MAK: variants seen among roughly 807,000 people sequenced by gnomAD.
The protein encoded by MAK is serine/threonine-protein kinase MAK.
MAK carries 65 observed loss-of-function variants against 82.6 expected under a neutral mutation model. The observed-to-expected ratio is 0.79, with a 90% CI of 0.64 to 0.97. The LOEUF (loss-of-function observed/expected upper bound fraction) is 0.97. Among genes scored for constraint, MAK ranks in the 50% least tolerant of loss-of-function variants. MAK has a pLI of 0.00. For missense variants in MAK, 703 were observed against 780.2 expected (o/e 0.90, Z 1.18); for synonymous variants, 250 against 274.2 (o/e 0.91, Z 0.87).
chr6:10,823,283 T>A (rs1778097873), intron 2 of MAK, among the ~76,000 whole-genome samples: 1 of 152,196 alleles, frequency 6.6e-6, no homozygotes, highest in Non-Finnish European at 1.5e-5. Context: ...CATATGGAAC[T>A]TGTTAAATTC....
Position 10,764,345 on chromosome 6 carries a change from T to C in MAK, c.*107A>G. 4 of 1,272,184 alleles carry C rather than the reference T, an allele frequency of 3.1e-6. No homozygotes were observed. Among genetic ancestry groups the C allele is most frequent in the Non-Finnish European group, 4.4e-6 (4 of 911,014 alleles). The allele number at this position is 1,272,184 out of a possible 1,614,324, so 78.8% of individuals were successfully genotyped here. A position where few individuals can be genotyped will look rare whatever the true frequency, so the allele number is the denominator to read the frequency against. On this transcript the variant is annotated 3_prime_UTR_variant, in exon 15 of 15. Coordinates refer to ENST00000354489, the MANE Select transcript of MAK (RefSeq NM_001242957.3). The stretch of plus-strand genomic sequence containing the variant: ...CCTTCCAAGTACCCACTTTTGCATA[T>C]TTCTTCCAGAACTCAGTAGAAATAG...
intron 14 of MAK, among the ~76,000 whole-genome samples, chr6:10,767,087 A>G (rs1175018118): frequency 6.7e-6 from 1 of 149,018 alleles, no homozygotes; most frequent in African/African-American, 2.6e-5. Context: ...CCCACACCTC[A>G]CTGCCCTGCA....
rs1561962243 is a variant in MAK at position 10,795,803 on chromosome 6, C to T, written c.1143+195G>A. 2.0e-5 allele frequency among the ~76,000 whole-genome samples: 3 copies of T among 152,232 alleles called. No homozygotes were observed. In the East Asian group the frequency reaches 5.8e-4, roughly 29 times the overall value. The stretch of plus-strand genomic sequence containing the variant: ...AGCATGTAAACTTGGTTACTTTTAT[C>T]CTGAAAGTTTTTCTTTTTATAAACC... On this transcript the variant is annotated intron_variant, in intron 9 of 14. Transcript: ENST00000354489.
At chr6:10,805,116 G>A (rs924971508) in intron 6 of MAK, among the ~76,000 whole-genome samples, 9 of 151,760 alleles carry the variant, frequency 5.9e-5, no homozygotes, top group East Asian at 1.9e-4. Context: ...AGGCTGTCCC[G>A]TCCATGGTTG....
intron 2 of MAK, among the ~76,000 whole-genome samples, chr6:10,822,282 C>T (rs576597942): frequency 2.0e-5 from 3 of 151,754 alleles, no homozygotes; most frequent in East Asian, 1.9e-4. Context: ...GGAGAAACCC[C>T]GTCTCTACTA....
chr6:10,789,299 T>G (rs564672753), intron 10 of MAK, among the ~76,000 whole-genome samples: 2 of 152,296 alleles, frequency 1.3e-5, no homozygotes, highest in African/African-American at 4.8e-5. Flanking sequence ...CAACTGTTCT[T>G]CCTATTCTTC....
Position 10,818,167 on chromosome 6 carries a change from C to T in MAK, c.157-196G>A, listed in dbSNP as rs544288430. The stretch of plus-strand genomic sequence containing the variant: ...AAGTGCAAACAATAAATCAAGCCAA[C>T]AATAGCTATTAAACATTTCAATCTG... On this transcript the variant is annotated intron_variant, in intron 3 of 14. Transcript: ENST00000354489. Among the ~76,000 whole-genome samples, 4 of 152,322 alleles carry T rather than the reference C, an allele frequency of 2.6e-5. No individual in the cohort carries two copies. The East Asian group carries it at 7.7e-4, about 29-fold the overall frequency.
intron 13 of MAK, among the ~76,000 whole-genome samples, chr6:10,771,129 G>A (rs1370192716): frequency 6.6e-6 from 1 of 152,080 alleles, no homozygotes; most frequent in Non-Finnish European, 1.5e-5. Flanking sequence ...GTGGAGATTG[G>A]TGATGATCAG....
At chr6:10,801,664 T>G (rs58164645) in intron 8 of MAK, among the ~76,000 whole-genome samples, 5,523 of 152,312 alleles carry the variant, frequency 0.036, 305 homozygotes, top group African/African-American at 0.12. Flanking sequence ...GTTCTTCATT[T>G]GAACCACAAA....
In MAK at chr6:10,818,900, A is replaced by G; in HGVS notation, c.142T>C (p.Leu48=). The change falls in exon 3 of 15, where the codon TTG becomes CTG. Residue 48 remains leucine, a synonymous_variant. Transcript: ENST00000354489. ...TAGGATTTTACCTTAACTTCTCTCA[A>G]GTTCATGCATTCATCCCAAGAATAG... is the stretch of plus-strand genomic sequence containing the variant. ...KFYSWDECMN[L]REVKSLKKLN... The G allele has an allele frequency of 1.3e-6, 2 of 1,589,078 alleles. No individual in the cohort carries two copies. The highest frequency in any genetic ancestry group is 1.7e-6 in the Non-Finnish European group (2 of 1,157,972).
intron 6 of MAK, among the ~76,000 whole-genome samples, chr6:10,804,974 C>G (rs1234651431): frequency 6.6e-6 from 1 of 151,716 alleles, no homozygotes; most frequent in African/African-American, 2.4e-5. Flanking sequence ...CAAGTTTTCT[C>G]CAGGACTCCA....
At chr6:10,813,169 G>T (rs2127571448) in intron 5 of MAK, among the ~76,000 whole-genome samples, 1 of 43,614 alleles carries the variant, frequency 2.3e-5, no homozygotes, top group African/African-American at 8.6e-5. Context: ...TTTTTTTTGA[G>T]ATGGAGTCTC....
chr6:10,764,096 C>T lies in MAK; in HGVS notation c.*356G>A, dbSNP rs1772176850. 1 of 232,346 alleles carries T rather than the reference C, an allele frequency of 4.3e-6. No individual in the cohort carries two copies. The highest frequency in any genetic ancestry group is 2.3e-5 in the African/African-American group (1 of 42,770). 14.4% of individuals were successfully genotyped at this position (232,346 alleles called of 1,614,324 possible). A position where few individuals can be genotyped will look rare whatever the true frequency, so the allele number is the denominator to read the frequency against. ...AACTACTAAACCATTTGGGCACATA[C>T]AACAAATGAAAACTAAAACACTCTA... On this transcript the variant is annotated 3_prime_UTR_variant, in exon 15 of 15. Transcript: ENST00000354489.
At chr6:10,802,828 G>C (rs1038986421) in intron 7 of MAK, among the ~76,000 whole-genome samples, 5 of 152,312 alleles carry the variant, frequency 3.3e-5, no homozygotes, top group African/African-American at 1.2e-4. Flanking sequence ...ACATTTACTT[G>C]TGTAATGTTA....
At chr6:10,806,368 A>G (rs1403892827) in intron 6 of MAK, among the ~76,000 whole-genome samples, 4 of 124,360 alleles carry the variant, frequency 3.2e-5, no homozygotes, top group Non-Finnish European at 3.5e-5. Context: ...TTGCTCTGTC[A>G]CCCAGGCTGG....
chr6:10,799,919 G>C (rs903415110), intron 8 of MAK, among the ~76,000 whole-genome samples: 1 of 152,154 alleles, frequency 6.6e-6, no homozygotes, highest in Non-Finnish European at 1.5e-5. Flanking sequence ...GTGGTGGCAG[G>C]CACCTGTAGT....
intron 10 of MAK, among the ~76,000 whole-genome samples, chr6:10,789,162 G>GAAAAAAA (rs58231573): frequency 1.3e-5 from 1 of 80,000 alleles, no homozygotes; most frequent in East Asian, 3.9e-4. Flanking sequence ...AAGCAAAAAA[G>GAAAAAAA]AAAAAAAAAA....
rs557154726 is a variant in MAK at position 10,770,816 on chromosome 6, T to C, written c.1673-586A>G. 1.6e-4 allele frequency among the ~76,000 whole-genome samples: 25 copies of C among 152,164 alleles called. No homozygotes were observed. In the South Asian group the frequency reaches 3.7e-3, roughly 23 times the overall value. On this transcript the variant is annotated intron_variant, in intron 13 of 14. Coordinates refer to ENST00000354489, the MANE Select transcript of MAK (RefSeq NM_001242957.3). ...AATCTGGCGTTAGCATAGGGATGCA[T>C]TGATGAGGAAAAATCTAAAGTCTGG...
At chr6:10,788,056 A>G (rs1347836068) in intron 10 of MAK, among the ~76,000 whole-genome samples, 1 of 151,900 alleles carries the variant, frequency 6.6e-6, no homozygotes, top group Non-Finnish European at 1.5e-5. Context: ...TCTGTTGCCC[A>G]GGCTGGGGTG....
Sources: allele counts gnomAD v4.1 joint callset (sites outside exome capture counted in the v4.1 genomes callset), GRCh38; gene constraint gnomAD v4.1.1; transcripts MANE v1.5; gene names NCBI Gene and HGNC (gene_info 2026-07-23, HGNC 2026-07-21).